The following TEX13C variants were observed in gnomAD, a reference collection of about 807,000 sequenced individuals.
TEX13C encodes testis-expressed protein 13C.
For missense variants in TEX13C, 480 were observed against 298.7 expected, an observed-to-expected ratio of 1.61 and a Z score of -4.47; for synonymous variants, 219 against 116.6, an observed-to-expected ratio of 1.88 and a Z score of -5.65.
exon 1 of TEX13C, chrX:125,323,098 G>A (rs1181077954): frequency 2.4e-5 from 12 of 492,507 alleles, no homozygotes; most frequent in South Asian, 5.4e-5. Context: ...TTGACCCAGC[G>A]TAAACTCATT....
chrX:125,321,203 C>A (rs2018833163), exon 1 of TEX13C: 4 of 513,513 alleles, frequency 7.8e-6, no homozygotes, highest in Non-Finnish European at 1.4e-5. Flanking sequence ...GGAGAAAAAA[C>A]CAGTGATGCC....
exon 1 of TEX13C, chrX:125,321,323 A>G: frequency 1.9e-6 from 1 of 515,023 alleles, no homozygotes; most frequent in Non-Finnish European, 3.5e-6. Context: ...CAGCCTGACG[A>G]AAAATCCAGT....
exon 1 of TEX13C, chrX:125,321,322 G>A (rs766543011): frequency 6.8e-5 from 35 of 513,476 alleles, no homozygotes; most frequent in Non-Finnish European, 7.3e-5. Flanking sequence ...ACAGCCTGAC[G>A]AAAAATCCAG....
At chrX:125,320,536 T>G (rs2018826376) in exon 1 of TEX13C, 1 of 515,711 alleles carries the variant, frequency 1.9e-6, no homozygotes, top group East Asian at 3.6e-5. Flanking sequence ...TGAATGAGCG[T>G]GATGGGTTAT....
exon 1 of TEX13C, chrX:125,323,057 A>G: frequency 3.9e-6 from 2 of 514,826 alleles, no homozygotes; most frequent in Non-Finnish European, 7.0e-6. Context: ...TAAATGCAAG[A>G]GAGTCCGTAT....
exon 1 of TEX13C, chrX:125,321,080 GAGTGTC>G: frequency 1.9e-6 from 1 of 515,682 alleles, no homozygotes; most frequent in Non-Finnish European, 3.5e-6. Context: ...GGAAGGTTCT[GAGTGTC>G]CCCAAGGAAT....
upstream of TEX13C, chrX:125,320,011 A>G: frequency 1.1e-5 from 5 of 444,755 alleles, no homozygotes; most frequent in Non-Finnish European, 2.0e-5. Flanking sequence ...TAAGACTGAA[A>G]GGGGAGGTGA....
chrX:125,320,979 C>T (rs1359493276), exon 1 of TEX13C: 13 of 513,904 alleles, frequency 2.5e-5, no homozygotes, highest in South Asian at 2.2e-4. Context: ...ACGGCCCCTC[C>T]GTGGGACCAG....
At chrX:125,320,292 G>T (rs2018823017) in exon 1 of TEX13C, 1 of 515,908 alleles carries the variant, frequency 1.9e-6, no homozygotes, top group Non-Finnish European at 3.5e-6. Context: ...GCCGACCCGC[G>T]GGTGCCCCGT....
At chrX:125,321,087 C>CAAA in exon 1 of TEX13C, 1 of 515,554 alleles carries the variant, frequency 1.9e-6, no homozygotes, top group Non-Finnish European at 3.5e-6. Flanking sequence ...TCTGAGTGTC[C>CAAA]CCAAGGAATG....
At chrX:125,320,428 C>T in exon 1 of TEX13C, 1 of 515,875 alleles carries the variant, frequency 1.9e-6, no homozygotes. Flanking sequence ...GCCAGGCGAC[C>T]TCCTGGGCTC....
At chrX:125,323,946 T>G in exon 1 of TEX13C, 1 of 111,984 alleles carries the variant, frequency 8.9e-6, no homozygotes, top group Middle Eastern at 4.7e-3. Flanking sequence ...TTTTGTAGAG[T>G]TGAATTTTTT....
At chrX:125,321,485 G>T (rs1337089411) in exon 1 of TEX13C, 3 of 510,721 alleles carry the variant, frequency 5.9e-6, no homozygotes, top group Non-Finnish European at 1.0e-5. Context: ...GGTCCCCCTG[G>T]GGGACAGCAA....
Position 125,321,472 on chromosome X carries a change from G to A in TEX13C, c.1353G>A (p.Glu451=), listed in dbSNP as rs182081365. ...AGAAAGATCCAATGATGTGCCAGGAGATGGTCCCCCTGGGGGACAGCAACA... is the reference window on the plus strand; with the variant it reads ...AGAAAGATCCAATGATGTGCCAGGAAATGGTCCCCCTGGGGGACAGCAACA... The change falls in exon 1 of 1, where the codon GAG becomes GAA. Residue 451 remains glutamate, a synonymous_variant. Transcript: ENST00000632600. 6.0e-4 allele frequency: 306 copies of A among 508,018 alleles called. No individual in the cohort carries two copies. Among genetic ancestry groups the A allele is most frequent in the Non-Finnish European group, 8.9e-4 (253 of 284,626 alleles). The allele number at this position is 508,018 out of a possible 1,213,427, so 41.9% of individuals were successfully genotyped here.
Position 125,323,104 on chromosome X carries a change from T to G in TEX13C, c.*3T>G, listed in dbSNP as rs749230370. The G allele has an allele frequency of 1.2e-4, 57 of 485,091 alleles. No individual in the cohort carries two copies. The African/African-American group carries it at 1.3e-3, about 11-fold the overall frequency. 40.0% of individuals were successfully genotyped at this position (485,091 alleles called of 1,213,427 possible). On this transcript the variant is annotated 3_prime_UTR_variant, in exon 1 of 1. Transcript: ENST00000632600. ...ATGGCAGCGTTGACCCAGCGTAAAC[T>G]CATTGATTTCAGGAAGGTAAGTAAG... is the stretch of plus-strand genomic sequence containing the variant.
At chrX:125,323,009 T>A (rs1688439843) in exon 1 of TEX13C, 1 of 513,811 alleles carries the variant, frequency 1.9e-6, no homozygotes, top group Non-Finnish European at 3.5e-6. Context: ...CTGCCCATGG[T>A]GTAATGCCAT....
chrX:125,320,327 A>G (rs1314197419), exon 1 of TEX13C: 2 of 515,785 alleles, frequency 3.9e-6, no homozygotes, highest in Admixed American at 5.3e-5. Flanking sequence ...CTGTACCTGG[A>G]GCGCTTTGGC....
chrX:125,324,388 GT>G (rs1306333083), exon 1 of TEX13C: 1 of 108,919 alleles, frequency 9.2e-6, no homozygotes, highest in Admixed American at 9.7e-5. Context: ...TTCATGAAAG[GT>G]TTTTTGTTTT....
At position 125,320,296 on chromosome X, in the gene TEX13C, GC is replaced by G. The variant is rs2018823115; in HGVS notation, c.181del (p.Arg61ValfsTer14). 3.9e-6 allele frequency: 2 copies of G among 515,970 alleles called. No homozygotes were observed. The highest frequency in any genetic ancestry group is 7.2e-5 in the East Asian group (2 of 27,744). The allele number at this position is 515,970 out of a possible 1,213,427, so 42.5% of individuals were successfully genotyped here. ...GGGCCATTGTGGCCGACCCGCGGGTGCCCCGTGCCATTAAGAGGGCCTGTAC... is the reference window on the plus strand; with the variant it reads ...GGGCCATTGTGGCCGACCCGCGGGTGCCCGTGCCATTAAGAGGGCCTGTAC... On this transcript the variant is annotated frameshift_variant, in exon 1 of 1. Transcript: ENST00000632600. LOFTEE classifies it low-confidence loss of function (END_TRUNC).
Sources: gnomAD v4.1 joint callset for allele counts on GRCh38, gnomAD v4.1.1 for gene constraint, MANE v1.5 for transcripts, NCBI Gene and HGNC (gene_info 2026-07-23, HGNC 2026-07-21) for gene names.